CDK15: variants seen among roughly 807,000 people sequenced by gnomAD.
CDK15 encodes the protein cyclin dependent kinase 15, also known as cyclin-dependent kinase 15.
CDK15 carries 62 observed loss-of-function variants against 60.3 expected under a neutral mutation model. The observed-to-expected ratio is 1.03, with a 90% CI of 0.84 to 1.27. The LOEUF (loss-of-function observed/expected upper bound fraction) is 1.27. Ranked by LOEUF, CDK15 falls within the 50% of genes most tolerant of loss-of-function variation. The pLI is 0.00. For synonymous variants in CDK15, 194 were observed against 195.7 expected (o/e 0.99, Z 0.07); for missense variants, 541 against 527.8 (o/e 1.03, Z -0.25).
intron 9 of CDK15, among the ~76,000 whole-genome samples, chr2:201,849,575 A>G (rs907640602): frequency 4.6e-5 from 7 of 152,198 alleles, no homozygotes; most frequent in African/African-American, 1.7e-4. Flanking sequence ...TAAGAAAAAC[A>G]CATGATCTGT....
At chr2:201,884,276 C>G (rs1287702254) in intron 12 of CDK15, among the ~76,000 whole-genome samples, 1 of 152,120 alleles carries the variant, frequency 6.6e-6, no homozygotes, top group African/African-American at 2.4e-5. Flanking sequence ...GGACTAAATC[C>G]CCTTCTCCTT....
intron 12 of CDK15, chr2:201,889,530 G>C: frequency 1.6e-6 from 1 of 624,626 alleles, no homozygotes; most frequent in Non-Finnish European, 2.0e-6. Context: ...GTACTTTTCA[G>C]ATAAGCCCCT....
chr2:201,871,456 CTT>C (rs78277223), intron 10 of CDK15, among the ~76,000 whole-genome samples: 4 of 142,778 alleles, frequency 2.8e-5, no homozygotes, highest in African/African-American at 5.1e-5. Context: ...GCTCCCCTGA[CTT>C]TTTTTTTTTT....
intron 12 of CDK15, among the ~76,000 whole-genome samples, chr2:201,883,910 G>C (rs1699367980): frequency 6.6e-6 from 1 of 152,168 alleles, no homozygotes; most frequent in Admixed American, 6.5e-5. Flanking sequence ...GCATGAACTT[G>C]GGCTCTGGGA....
At chr2:201,823,341 T>C (rs1696313566) in intron 5 of CDK15, among the ~76,000 whole-genome samples, 2 of 152,190 alleles carry the variant, frequency 1.3e-5, no homozygotes, top group Non-Finnish European at 2.9e-5. Context: ...AAAGAACTTA[T>C]AAGGTATGTG....
chr2:201,835,139 T>C (rs150624329), intron 7 of CDK15, among the ~76,000 whole-genome samples: 9 of 152,288 alleles, frequency 5.9e-5, no homozygotes, highest in South Asian at 2.1e-4. Context: ...TACAGAGGTA[T>C]AACATGCTAG....
intron 9 of CDK15, among the ~76,000 whole-genome samples, chr2:201,849,352 T>C (rs1261945206): frequency 6.6e-6 from 1 of 152,236 alleles, no homozygotes; most frequent in Non-Finnish European, 1.5e-5. Flanking sequence ...ATTGTTCTCT[T>C]CTTTCACTTA....
chr2:201,870,576 CA>C (rs938358202), intron 10 of CDK15, among the ~76,000 whole-genome samples: 1 of 147,148 alleles, frequency 6.8e-6, no homozygotes. Flanking sequence ...CAAAACAAAA[CA>C]AAAAAAACAG....
At chr2:201,813,929 G>A (rs942785758) in intron 4 of CDK15, among the ~76,000 whole-genome samples, 2 of 152,124 alleles carry the variant, frequency 1.3e-5, no homozygotes, top group Admixed American at 6.5e-5. Context: ...TTAATATAAT[G>A]GAAACTGCAT....
chr2:201,829,865 T>C (rs1696673187), intron 6 of CDK15, among the ~76,000 whole-genome samples: 2 of 152,096 alleles, frequency 1.3e-5, no homozygotes, highest in African/African-American at 2.4e-5. Flanking sequence ...TGGAGTGCAG[T>C]GGCGCAAACT....
intron 4 of CDK15, among the ~76,000 whole-genome samples, chr2:201,816,460 T>TTTTTTTTTTTG (rs1695998657): frequency 7.0e-6 from 1 of 143,142 alleles, no homozygotes; most frequent in African/African-American, 2.6e-5. Flanking sequence ...AAATGGTTTT[T>TTTTTTTTTTTG]TTTTTTTTTT....
chr2:201,847,265 T>G, intron 8 of CDK15, 116 bp from the exon 9 acceptor site: 1 of 949,392 alleles, frequency 1.1e-6, no homozygotes, highest in Non-Finnish European at 1.6e-6. Context: ...TTTAATATCA[T>G]GTGGTCCGTA....
At chr2:201,812,366 G>C in intron 3 of CDK15, 117 bp from the exon 4 acceptor site, 2 of 594,684 alleles carry the variant, frequency 3.4e-6, no homozygotes, top group Non-Finnish European at 6.1e-6. Context: ...GAAAATTATA[G>C]ATTTATATGC....
chr2:201,886,275 C>A (rs182308288), intron 12 of CDK15, among the ~76,000 whole-genome samples: 94 of 151,534 alleles, frequency 6.2e-4, no homozygotes, highest in South Asian at 2.3e-3. Flanking sequence ...AGTTTATTTT[C>A]TTTTCTTTTC....
At chr2:201,846,916 A>G (rs764709182) in intron 8 of CDK15, among the ~76,000 whole-genome samples, 11 of 152,170 alleles carry the variant, frequency 7.2e-5, no homozygotes, top group Admixed American at 5.2e-4. Context: ...AATAATCTCT[A>G]TTTAATTAAA....
chr2:201,846,089 TC>T (rs1459796091), intron 8 of CDK15, among the ~76,000 whole-genome samples: 1 of 152,104 alleles, frequency 6.6e-6, no homozygotes, highest in Non-Finnish European at 1.5e-5. Context: ...TCCCATTAAA[TC>T]AGGATGCACC....
chr2:201,873,898 C>A (rs1014269456), intron 11 of CDK15, among the ~76,000 whole-genome samples: 9 of 152,136 alleles, frequency 5.9e-5, no homozygotes, highest in African/African-American at 2.2e-4. Context: ...ACTAAAAATA[C>A]AAACAATTAG....
At chr2:201,868,900 G>C (rs1418766169) in intron 10 of CDK15, among the ~76,000 whole-genome samples, 1 of 152,346 alleles carries the variant, frequency 6.6e-6, no homozygotes, top group East Asian at 1.9e-4. Flanking sequence ...AGAGGATGTG[G>C]AGAAATAGGA....
At chr2:201,836,779 G>A (rs749123841) in intron 8 of CDK15, among the ~76,000 whole-genome samples, 2 of 149,076 alleles carry the variant, frequency 1.3e-5, no homozygotes, top group Non-Finnish European at 3.0e-5. Flanking sequence ...ATGTCCAAAC[G>A]TAGTTCAGAG....
Sources: allele counts gnomAD v4.1 joint callset (sites outside exome capture counted in the v4.1 genomes callset), GRCh38; gene constraint gnomAD v4.1.1; transcripts MANE v1.5; gene names NCBI Gene and HGNC (gene_info 2026-07-23, HGNC 2026-07-21).